Variants in NSF observed in about 807,000 individuals in gnomAD.
NSF encodes vesicle-fusing ATPase.
A neutral mutation model predicts 50.3 loss-of-function variants in NSF; 14 were observed. The observed-to-expected ratio is 0.28, with a 90% confidence interval of 0.18 to 0.44. The LOEUF (loss-of-function observed/expected upper bound fraction) is 0.44, where lower values mean the gene tolerates loss of function less well. Ranked by LOEUF, NSF falls within the 20% of genes least tolerant of loss-of-function variation. The pLI, the probability that NSF is intolerant of heterozygous loss-of-function variation, is 1.00. For synonymous variants in NSF, 109 were observed against 175.7 expected (o/e 0.62, Z 3.00); for missense variants, 218 against 504.3 (o/e 0.43, Z 5.44).
At chr17:46,704,666 T>C (rs2058641256) in intron 12 of NSF, 93 bp from the exon 13 acceptor site, 1 of 1,460,710 alleles carries the variant, frequency 6.8e-7, no homozygotes, top group Admixed American at 2.7e-5. Flanking sequence ...AATATGCTTT[T>C]AAATCCTCAA....
At chr17:46,705,263 G>GTCTCTCTC (rs527294163) in intron 13 of NSF, among the ~76,000 whole-genome samples, 2 of 119,468 alleles carry the variant, frequency 1.7e-5, no homozygotes, top group Non-Finnish European at 3.7e-5. Flanking sequence ...ATCCTCCTCT[G>GTCTCTCTC]TCTCTCTCTC....
intron 16 of NSF, among the ~76,000 whole-genome samples, chr17:46,727,482 T>C (rs747365867): frequency 1.3e-4 from 20 of 152,220 alleles, no homozygotes; most frequent in Non-Finnish European, 2.4e-4. Context: ...CTGTCCATAA[T>C]GGTGTAGTCG....
intron 17 of NSF, among the ~76,000 whole-genome samples, chr17:46,736,765 A>T (rs918990370): frequency 1.3e-5 from 2 of 152,232 alleles, no homozygotes; most frequent in Non-Finnish European, 2.9e-5. Flanking sequence ...TATGTATAAT[A>T]TATTTTTAAC....
At chr17:46,754,714 A>ACACATT (rs1472993410) in intron 19 of NSF, among the ~76,000 whole-genome samples, 6 of 152,202 alleles carry the variant, frequency 3.9e-5, no homozygotes, top group Non-Finnish European at 5.9e-5. Context: ...TAGACTCATG[A>ACACATT]CACATTCGCA....
intron 9 of NSF, among the ~76,000 whole-genome samples, chr17:46,675,705 C>T (rs1338164694): frequency 2.3e-5 from 3 of 132,338 alleles, no homozygotes; most frequent in Non-Finnish European, 4.6e-5. Context: ...GATTAATTAT[C>T]CTAATACTAA....
At chr17:46,752,547 G>A (rs1368483600) in intron 19 of NSF, among the ~76,000 whole-genome samples, 1 of 152,164 alleles carries the variant, frequency 6.6e-6, no homozygotes, top group East Asian at 1.9e-4. Context: ...TTTTGACCTC[G>A]CAGGCTCAGG....
chr17:46,601,405 CTTT>C (rs746590783), intron 1 of NSF, among the ~76,000 whole-genome samples: 2 of 41,648 alleles, frequency 4.8e-5, no homozygotes, highest in Admixed American at 2.7e-4. Context: ...TATAATTACC[CTTT>C]TTTTTTTTTT....
Position 46,727,138 on chromosome 17 carries a change from TAATA to T in NSF, c.1828+527_1828+530del, listed in dbSNP as rs530183187. Among the ~76,000 whole-genome samples the T allele has an allele frequency of 1.1e-4, 17 of 152,196 alleles. 1 individual carries two copies. Among genetic ancestry groups the T allele is most frequent in the Non-Finnish European group, 2.5e-4 (17 of 68,030 alleles). Reference sequence around the variant, plus strand: ...AGTAATTGTGAAGACAAAAATGGGATAATAAATCTTGAAAAAATTTTGTAAGTTA... The same window carrying T: ...AGTAATTGTGAAGACAAAAATGGGATAATCTTGAAAAAATTTTGTAAGTTA... On this transcript the variant is annotated intron_variant, in intron 16 of 20. Coordinates refer to ENST00000398238, the MANE Select transcript of NSF (RefSeq NM_006178.4).
At chr17:46,752,792 G>A (rs1484970700) in intron 19 of NSF, among the ~76,000 whole-genome samples, 6 of 151,148 alleles carry the variant, frequency 4.0e-5, no homozygotes, top group Admixed American at 6.6e-5. Context: ...CTTTTGAGAC[G>A]GAGTCTCGCT....
intron 1 of NSF, among the ~76,000 whole-genome samples, chr17:46,610,035 C>T (rs867446351): frequency 1.1e-5 from 1 of 90,936 alleles, no homozygotes; most frequent in African/African-American, 3.8e-5. Flanking sequence ...CTTTCTCTCT[C>T]TCTCTCTCTT....
chr17:46,722,118 T>C, intron 15 of NSF: 1 of 1,611,876 alleles, frequency 6.2e-7, no homozygotes, highest in Admixed American at 1.7e-5. Context: ...CTCGAACTCG[T>C]CCGGCTTCTC....
chr17:46,631,044 G>T (rs1266846150), intron 4 of NSF, among the ~76,000 whole-genome samples: 2 of 119,944 alleles, frequency 1.7e-5, no homozygotes, highest in East Asian at 6.7e-4. Context: ...TCCTCTCTGG[G>T]TCTCTGTCTC....
chr17:46,724,461 A>G (rs993511017), intron 15 of NSF, among the ~76,000 whole-genome samples: 3 of 152,232 alleles, frequency 2.0e-5, no homozygotes, highest in African/African-American at 7.2e-5. Context: ...GGAAAGGAGT[A>G]TGGTGAATCA....
At chr17:46,741,250 T>C (rs2146321718) in intron 17 of NSF, among the ~76,000 whole-genome samples, 2 of 152,050 alleles carry the variant, frequency 1.3e-5, no homozygotes, top group East Asian at 3.9e-4. Flanking sequence ...TGAGGTAATC[T>C]TTAAGAGCTG....
chr17:46,751,898 C>T (rs958748503), intron 19 of NSF, among the ~76,000 whole-genome samples: 1 of 152,168 alleles, frequency 6.6e-6, no homozygotes, highest in Admixed American at 6.5e-5. Flanking sequence ...AAAGAGCAGT[C>T]GTTCTTCTGC....
chr17:46,720,950 T>C (rs1404996561), intron 15 of NSF, among the ~76,000 whole-genome samples: 2 of 152,190 alleles, frequency 1.3e-5, no homozygotes, highest in Non-Finnish European at 2.9e-5. Flanking sequence ...CATTTGCACT[T>C]GTGTAGACTC....
intron 3 of NSF, among the ~76,000 whole-genome samples, chr17:46,627,532 C>T (rs2058106194): frequency 7.4e-6 from 1 of 135,354 alleles, no homozygotes; most frequent in Non-Finnish European, 1.6e-5. Flanking sequence ...GCACATCATA[C>T]ATAATATAAA....
At chr17:46,753,000 C>T (rs2059197102) in intron 19 of NSF, among the ~76,000 whole-genome samples, 1 of 152,196 alleles carries the variant, frequency 6.6e-6, no homozygotes, top group African/African-American at 2.4e-5. Flanking sequence ...ATCTACTGAC[C>T]TCAGGTGATC....
At chr17:46,658,027 A>G (rs2058275836) in intron 8 of NSF, among the ~76,000 whole-genome samples, 1 of 43,014 alleles carries the variant, frequency 2.3e-5, no homozygotes, top group Non-Finnish European at 3.9e-5. Flanking sequence ...AGTGGTTCTC[A>G]GTCTTTGGTG....
Sources: allele counts gnomAD v4.1 joint callset (sites outside exome capture counted in the v4.1 genomes callset), GRCh38; gene constraint gnomAD v4.1.1; transcripts MANE v1.5; gene names NCBI Gene and HGNC (gene_info 2026-07-23, HGNC 2026-07-21).